PSMD11: variants seen among roughly 807,000 people sequenced by gnomAD.
PSMD11 encodes 26S proteasome non-ATPase regulatory subunit 11.
PSMD11 carries 5 observed loss-of-function variants against 62.3 expected under a neutral mutation model. The observed-to-expected ratio is 0.08, with a 90% CI of 0.04 to 0.17. The LOEUF (loss-of-function observed/expected upper bound fraction) is 0.17, where lower values mean the gene tolerates loss of function less well. Ranked by LOEUF, PSMD11 falls within the 10% of genes least tolerant of loss-of-function variation. PSMD11 has a pLI of 1.00. For synonymous variants in PSMD11, 191 were observed against 191.8 expected, an observed-to-expected ratio of 1.00 and a Z score of 0.03; for missense variants, 310 against 512.9, an observed-to-expected ratio of 0.60 and a Z score of 3.82.
At chr17:32,450,260 CT>C (rs35091081) in intron 2 of PSMD11, among the ~76,000 whole-genome samples, 202 of 142,112 alleles carry the variant, frequency 1.4e-3, no homozygotes, top group African/African-American at 1.6e-3. Flanking sequence ...TGTGCCTGGC[CT>C]TTTTTTTTTT....
At chr17:32,469,703 GT>G (rs142620297) in intron 6 of PSMD11, among the ~76,000 whole-genome samples, 14 of 149,014 alleles carry the variant, frequency 9.4e-5, no homozygotes, top group Admixed American at 1.3e-4. Flanking sequence ...GTATTCAGCA[GT>G]TTTTTTTTTT....
intron 6 of PSMD11, among the ~76,000 whole-genome samples, chr17:32,473,099 C>T (rs1377779242): frequency 6.7e-6 from 1 of 149,858 alleles, no homozygotes; most frequent in Non-Finnish European, 1.5e-5. Flanking sequence ...CGGAGGTTGC[C>T]GTGAGCTGAG....
Position 32,464,097 on chromosome 17 carries a change from A to G in PSMD11, c.367A>G (p.Thr123Ala). Residue 123 changes from threonine to alanine, a missense_variant, in exon 4 of 14, where the codon ACT becomes GCT. Around this residue, in one of 6 missense-constraint regions of PSMD11, gnomAD observed 47 missense variants for 59.0 expected, o/e 0.80. Coordinates refer to ENST00000261712, the MANE Select transcript of PSMD11 (RefSeq NM_002815.4). Reference protein sequence around the residue: ...CIEWAKSEKRTFLRQALEARL... With the variant: ...CIEWAKSEKRAFLRQALEARL... ...CGAATGGGCCAAGTCAGAGAAAAGA[A>G]CTTTCTTACGCCAAGCTTTGGAGGT... 1 of 1,614,064 alleles carries G rather than the reference A, an allele frequency of 6.2e-7. No homozygotes were observed. Among genetic ancestry groups the G allele is most frequent in the Middle Eastern group, 1.6e-4 (1 of 6,062 alleles).
intron 3 of PSMD11, among the ~76,000 whole-genome samples, chr17:32,458,054 C>T (rs150088522): frequency 4.6e-5 from 7 of 152,312 alleles, no homozygotes; most frequent in Non-Finnish European, 8.8e-5. Context: ...CGGCCTCAGC[C>T]TCCCAGAGTA....
intron 6 of PSMD11, among the ~76,000 whole-genome samples, chr17:32,472,823 C>G (rs1190511098): frequency 6.6e-6 from 1 of 151,264 alleles, no homozygotes; most frequent in African/African-American, 2.4e-5. Context: ...AGGCATGAGC[C>G]ACCATGCCCG....
chr17:32,480,736 T>G lies in PSMD11; in HGVS notation c.*1-17T>G. 7.6e-7 allele frequency: 1 copy of G among 1,321,356 alleles called. No individual in the cohort carries two copies. Among genetic ancestry groups the G allele is most frequent in the Non-Finnish European group, 1.0e-6 (1 of 956,948 alleles). 81.9% of individuals were successfully genotyped at this position (1,321,356 alleles called of 1,614,324 possible). A position where few individuals can be genotyped will look rare whatever the true frequency, so the allele number is the denominator to read the frequency against. On this transcript the variant is annotated splice_polypyrimidine_tract_variant and intron_variant, in intron 13 of 13. Coordinates refer to ENST00000261712, the MANE Select transcript of PSMD11 (RefSeq NM_002815.4). ...CTCATGGCTTCCTGATTGACACTGC[T>G]CTGTCTTCTCTTGCAGAGTTGGATC...
intron 8 of PSMD11, among the ~76,000 whole-genome samples, chr17:32,475,978 TA>T (rs1479575646): frequency 6.6e-6 from 1 of 151,416 alleles, no homozygotes; most frequent in Non-Finnish European, 1.5e-5. Context: ...AAAAGCCAAT[TA>T]GGGGCTGGAC....
rs1349674519 is a variant in PSMD11, at chr17:32,480,568, A to G, written c.1206A>G (p.Glu402=). The G allele has an allele frequency of 6.2e-7, 1 of 1,614,004 alleles. No individual in the cohort carries two copies. Among genetic ancestry groups the G allele is most frequent in the African/African-American group, 1.3e-5 (1 of 74,906 alleles). The change falls in exon 13 of 14, where the codon GAA becomes GAG. Residue 402 remains glutamate (E), a synonymous_variant. Coordinates refer to ENST00000261712, the MANE Select transcript of PSMD11 (RefSeq NM_002815.4). ...ATAAAACTTACGAAGCTGCTCTGGAAACAATTCAGAACATGAGCAAAGTAG... is the reference window on the plus strand; with the variant it reads ...ATAAAACTTACGAAGCTGCTCTGGAGACAATTCAGAACATGAGCAAAGTAG... ...PVDKTYEAAL[E]TIQNMSKVVD...
At chr17:32,468,132 C>T (rs998833713) in intron 5 of PSMD11, among the ~76,000 whole-genome samples, 6 of 152,136 alleles carry the variant, frequency 3.9e-5, no homozygotes, top group Non-Finnish European at 5.9e-5. Flanking sequence ...GACGTGATCT[C>T]GTTCTTTTTT....
In PSMD11 at chr17:32,482,097, C is replaced by G. The variant is rs1007187602; in HGVS notation, c.*1345C>G. The G allele has an allele frequency of 1.3e-5, 2 of 151,946 alleles. No homozygotes were observed. Among genetic ancestry groups the G allele is most frequent in the African/African-American group, 4.8e-5 (2 of 41,352 alleles). 9.4% of individuals were successfully genotyped at this position (151,946 alleles called of 1,614,324 possible). A position where few individuals can be genotyped will look rare whatever the true frequency, so the allele number is the denominator to read the frequency against. On this transcript the variant is annotated 3_prime_UTR_variant, in exon 14 of 14. Coordinates refer to ENST00000261712, the MANE Select transcript of PSMD11 (RefSeq NM_002815.4). ...CTTCTGCTGGCCTCCTTTTCTCTTT[C>G]TTTACCTTCCTTGGATTATCCTTCC...
rs1331786864 is a variant in PSMD11, at chr17:32,482,283, A to G, written c.*1531A>G. On this transcript the variant is annotated 3_prime_UTR_variant, in exon 14 of 14. Transcript: ENST00000261712. ...TAGTCACTGTTTTGGTTTTGGCACC[A>G]TCAGTATCAAATGTACAAACGGTTC... The G allele has an allele frequency of 1.3e-5, 2 of 152,054 alleles. No individual in the cohort carries two copies. The highest frequency in any genetic ancestry group is 6.6e-5 in the Admixed American group (1 of 15,262). The allele number at this position is 152,054 out of a possible 1,614,324, so 9.4% of individuals were successfully genotyped here.
chr17:32,478,310 A>C (rs565406934), intron 9 of PSMD11, among the ~76,000 whole-genome samples: 1 of 152,276 alleles, frequency 6.6e-6, no homozygotes, highest in South Asian at 2.1e-4. Context: ...TGTCCCTGAG[A>C]TTCACCATCT....
intron 3 of PSMD11, among the ~76,000 whole-genome samples, chr17:32,459,099 CAAA>C (rs1250016169): frequency 3.3e-5 from 2 of 61,226 alleles, no homozygotes; most frequent in African/African-American, 1.2e-4. Flanking sequence ...GAGAGTGTCT[CAAA>C]AAAAAAAAAA....
At chr17:32,457,395 A>T (rs887807629) in intron 3 of PSMD11, among the ~76,000 whole-genome samples, 3 of 151,308 alleles carry the variant, frequency 2.0e-5, no homozygotes, top group African/African-American at 7.3e-5. Context: ...GCACCACCAC[A>T]CTCGGCTAAT....
chr17:32,477,638 G>A, intron 9 of PSMD11, 55 bp downstream of exon 9: 1 of 1,447,306 alleles, frequency 6.9e-7, no homozygotes, highest in Non-Finnish European at 9.6e-7. Flanking sequence ...GGACGTTTAA[G>A]TACTTCAAAA....
At chr17:32,469,333 C>A in intron 6 of PSMD11, 140 bp downstream of exon 6, 1 of 831,924 alleles carries the variant, frequency 1.2e-6, no homozygotes, top group Non-Finnish European at 1.8e-6. Context: ...TAGAAAGCTA[C>A]CTTTCTAACT....
At chr17:32,449,593 G>A (rs1243721686) in intron 2 of PSMD11, among the ~76,000 whole-genome samples, 1 of 152,108 alleles carries the variant, frequency 6.6e-6, no homozygotes, top group East Asian at 1.9e-4. Context: ...CTTGTGACCT[G>A]AGAAGTTTAG....
intron 2 of PSMD11, among the ~76,000 whole-genome samples, chr17:32,448,055 AT>A (rs1263332514): frequency 4.0e-5 from 6 of 151,532 alleles, no homozygotes; most frequent in Non-Finnish European, 7.4e-5. Context: ...TAATTTTTGT[AT>A]TTTTAATAGA....
At chr17:32,459,115 C>T (rs61038619) in intron 3 of PSMD11, among the ~76,000 whole-genome samples, 134 of 111,848 alleles carry the variant, frequency 1.2e-3, no homozygotes, top group African/African-American at 2.6e-3. Context: ...AAAAAAAATA[C>T]ATATATATAT....
Sources: gnomAD v4.1 joint callset for allele counts (sites outside exome capture counted in the v4.1 genomes callset) on GRCh38, gnomAD v4.1.1 for gene constraint, gnomAD v4.1.1 regional missense constraint, MANE v1.5 for transcripts, NCBI Gene and HGNC (gene_info 2026-07-23, HGNC 2026-07-21) for gene names.